DOCK1: variants seen among roughly 807,000 people sequenced by gnomAD.
The protein encoded by DOCK1 is dedicator of cytokinesis protein 1.
DOCK1 carries 138 observed loss-of-function variants against 262.7 expected under a neutral mutation model. The ratio of observed to expected loss-of-function variants is 0.53; its 90% CI spans 0.46 to 0.61. The LOEUF (loss-of-function observed/expected upper bound fraction) is 0.61. Ranked by LOEUF, DOCK1 falls within the 20% of genes least tolerant of loss-of-function variation. The pLI is 0.00. For synonymous variants in DOCK1, 866 were observed against 867.4 expected, an observed-to-expected ratio of 1.00 and a Z score of 0.03; for missense variants, 1,908 against 2,370.7, an observed-to-expected ratio of 0.80 and a Z score of 4.05.
chr10:127,019,260 A>G (rs1280568124), intron 13 of DOCK1, among the ~76,000 whole-genome samples: 2 of 152,226 alleles, frequency 1.3e-5, no homozygotes, highest in Non-Finnish European at 2.9e-5. Flanking sequence ...GCATTCCTCC[A>G]TGAATTCTAA....
chr10:126,918,304 G>T (rs2032747687), intron 1 of DOCK1, among the ~76,000 whole-genome samples: 1 of 151,806 alleles, frequency 6.6e-6, no homozygotes, highest in Admixed American at 6.6e-5. Context: ...CCACCAGCGT[G>T]CAGCGGGGGC....
At chr10:127,113,351 T>TG (rs902872432) in intron 25 of DOCK1, among the ~76,000 whole-genome samples, 1 of 152,192 alleles carries the variant, frequency 6.6e-6, no homozygotes, top group Non-Finnish European at 1.5e-5. Context: ...GGCTCCTTCG[T>TG]GGGGGCTCCC....
intron 23 of DOCK1, among the ~76,000 whole-genome samples, chr10:127,072,539 A>C (rs2135937080): frequency 6.6e-6 from 1 of 152,350 alleles, no homozygotes; most frequent in South Asian, 2.1e-4. Context: ...GAAGTAGTTT[A>C]GGGGTTCAAA....
chr10:127,362,883 C>T (rs1434742721), intron 33 of DOCK1, among the ~76,000 whole-genome samples: 3 of 914 alleles, frequency 3.3e-3, no homozygotes, highest in African/African-American at 5.4e-3. Flanking sequence ...ACATACACAT[C>T]CCCACACACA....
At chr10:127,342,312 A>T (rs1394091366) in intron 30 of DOCK1, among the ~76,000 whole-genome samples, 1 of 152,086 alleles carries the variant, frequency 6.6e-6, no homozygotes, top group Non-Finnish European at 1.5e-5. Flanking sequence ...CTTGTATTTT[A>T]TTGACTGGCA....
chr10:126,913,389 T>C (rs2032094026), intron 1 of DOCK1, among the ~76,000 whole-genome samples: 2 of 152,224 alleles, frequency 1.3e-5, no homozygotes, highest in Non-Finnish European at 2.9e-5. Flanking sequence ...TTGGTGCTGG[T>C]GTCACACACT....
At chr10:127,424,597 G>A (rs1464706638) in intron 46 of DOCK1, among the ~76,000 whole-genome samples, 6 of 152,164 alleles carry the variant, frequency 3.9e-5, no homozygotes, top group Non-Finnish European at 7.4e-5. Flanking sequence ...GTCTGTCTGC[G>A]TCATCCCCCA....
At chr10:127,134,191 A>T (rs1194325483) in intron 27 of DOCK1, among the ~76,000 whole-genome samples, 1 of 152,136 alleles carries the variant, frequency 6.6e-6, no homozygotes. Flanking sequence ...CACAGTTTTA[A>T]TTAAGAGTTG....
At chr10:127,425,625 C>T (rs1271281062) in intron 46 of DOCK1, among the ~76,000 whole-genome samples, 1 of 152,180 alleles carries the variant, frequency 6.6e-6, no homozygotes, top group Non-Finnish European at 1.5e-5. Context: ...TAAGTCTATT[C>T]TGGGAAATTA....
chr10:127,347,186 A>G (rs1273304755), intron 31 of DOCK1, among the ~76,000 whole-genome samples: 1 of 152,272 alleles, frequency 6.6e-6, no homozygotes, highest in Non-Finnish European at 1.5e-5. Flanking sequence ...TACAGTGCCT[A>G]GAAATGTGAT....
chr10:127,174,345 A>ACC (rs1324035634), intron 27 of DOCK1, among the ~76,000 whole-genome samples: 20 of 152,078 alleles, frequency 1.3e-4, no homozygotes, highest in Non-Finnish European at 4.4e-5. Context: ...AAGTCCGATA[A>ACC]CCCCCAGACC....
chr10:127,288,076 G>A (rs1033283808), intron 29 of DOCK1, among the ~76,000 whole-genome samples: 1 of 152,150 alleles, frequency 6.6e-6, no homozygotes, highest in Admixed American at 6.5e-5. Context: ...GCTAAATAGT[G>A]AATTGGTTCC....
intron 1 of DOCK1, among the ~76,000 whole-genome samples, chr10:126,911,465 C>A (rs945612772): frequency 6.6e-6 from 1 of 152,192 alleles, no homozygotes; most frequent in Non-Finnish European, 1.5e-5. Flanking sequence ...GCTGACCGGG[C>A]ACATGCACCA....
At position 126,987,713 on chromosome 10, in the gene DOCK1, C is replaced by G; in HGVS notation, c.324+96C>G. On this transcript the variant is annotated intron_variant, in intron 5 of 51. Coordinates refer to ENST00000623213, the MANE Select transcript of DOCK1 (RefSeq NM_001290223.2). ...GGGATGTTTTTTTTTCTCAGCGAAA[C>G]TTAAAAGCAGAGCTTCCGAGACAGA... The G allele has an allele frequency of 5.3e-6, 6 of 1,138,848 alleles. No homozygotes were observed. The South Asian group carries it at 9.3e-5, about 18-fold the overall frequency. 70.5% of individuals were successfully genotyped at this position (1,138,848 alleles called of 1,614,324 possible).
At chr10:127,200,074 GAC>G (rs1209482320) in intron 27 of DOCK1, among the ~76,000 whole-genome samples, 1 of 152,168 alleles carries the variant, frequency 6.6e-6, no homozygotes, top group African/African-American at 2.4e-5. Context: ...ATGTCGCTGT[GAC>G]AGAGCTCGCT....
chr10:127,306,256 C>A (rs2061871922), intron 29 of DOCK1, among the ~76,000 whole-genome samples: 1 of 152,140 alleles, frequency 6.6e-6, no homozygotes, highest in Admixed American at 6.5e-5. Flanking sequence ...TTCAGGTGAT[C>A]CGCCTGCCTT....
intron 3 of DOCK1, among the ~76,000 whole-genome samples, chr10:126,979,685 G>T (rs1045852178): frequency 1.3e-5 from 2 of 152,078 alleles, no homozygotes; most frequent in Non-Finnish European, 2.9e-5. Flanking sequence ...ACACAGTAGC[G>T]CTGGGTAGGG....
intron 43 of DOCK1, among the ~76,000 whole-genome samples, chr10:127,411,847 A>G (rs973920883): frequency 2.6e-5 from 4 of 152,236 alleles, no homozygotes; most frequent in African/African-American, 9.6e-5. Flanking sequence ...TCAAAAAAAT[A>G]AAGTTTCCAG....
At position 127,042,560 on chromosome 10, in the gene DOCK1, T is replaced by C; in HGVS notation, c.2011-65T>C. 3 of 1,382,916 alleles carry C rather than the reference T, an allele frequency of 2.2e-6. No homozygotes were observed. The South Asian group carries it at 3.5e-5, about 16-fold the overall frequency. 85.7% of individuals were successfully genotyped at this position (1,382,916 alleles called of 1,614,324 possible). A position where few individuals can be genotyped will look rare whatever the true frequency, so the allele number is the denominator to read the frequency against. Reference sequence around the variant, plus strand: ...TTTGGAGTACTGCAGAGATGATAGTTATTCCAGTGTGTGGGGGAAGTCCGG... The same window carrying C: ...TTTGGAGTACTGCAGAGATGATAGTCATTCCAGTGTGTGGGGGAAGTCCGG... On this transcript the variant is annotated intron_variant, in intron 19 of 51. Coordinates refer to ENST00000623213, the MANE Select transcript of DOCK1 (RefSeq NM_001290223.2).
Sources: allele counts gnomAD v4.1 joint callset (sites outside exome capture counted in the v4.1 genomes callset), GRCh38; gene constraint gnomAD v4.1.1; transcripts MANE v1.5; gene names NCBI Gene and HGNC (gene_info 2026-07-23, HGNC 2026-07-21).